The following GHR variants were observed in gnomAD, a reference collection of about 807,000 sequenced individuals.
GHR encodes the protein GH receptor.
In GHR, 35 loss-of-function variants were observed where a neutral mutation model predicts 67.1. The observed-to-expected ratio is 0.52, with a 90% CI of 0.40 to 0.69. The LOEUF (loss-of-function observed/expected upper bound fraction) is 0.69. Among genes scored for constraint, GHR ranks in the 30% least tolerant of loss-of-function variants. GHR has a pLI of 0.00. For missense variants in GHR, 792 were observed against 764.6 expected, an observed-to-expected ratio of 1.04 and a Z score of -0.42; for synonymous variants, 272 against 269.1, an observed-to-expected ratio of 1.01 and a Z score of -0.10.
At chr5:42,468,280 CGGCATGGGCCTAG>C in intron 1 of GHR, 1 of 1,570,580 alleles carries the variant, frequency 6.4e-7, no homozygotes, top group Non-Finnish European at 8.7e-7. Context: ...CTTCACTGGG[CGGCATGGGCCTAG>C]GGCCATGGCT....
chr5:42,718,942 A>T lies in GHR; in HGVS notation c.1435A>T (p.Ser479Cys), dbSNP rs1250418120. 3.1e-6 allele frequency: 5 copies of T among 1,613,968 alleles called. No homozygotes were observed. The highest frequency in any genetic ancestry group is 2.2e-5 in the East Asian group (1 of 44,876). Residue 479 changes from serine to cysteine, a missense_variant, in exon 10 of 10, where the codon AGT becomes TGT. Ser to Cys is a moderately radical substitution (Grantham distance 112, BLOSUM62 -1). Transcript: ENST00000230882. ...QAAHIQLSNP[S>C]SLSNIDFYAQ... ...TGCCCATATTCAGCTAAGCAATCCA[A>T]GTTCACTGTCAAACATCGACTTTTA...
In GHR at chr5:42,579,614, T is replaced by C. The variant is rs117116087; in HGVS notation, c.70+13670T>C. ...AATCCCCATGAATGCATGGTCATATTTGAGTGCTTCTAACAAATGCTTCCT... is the reference window on the plus strand; with the variant it reads ...AATCCCCATGAATGCATGGTCATATCTGAGTGCTTCTAACAAATGCTTCCT... On this transcript the variant is annotated intron_variant, in intron 2 of 9. Transcript: ENST00000230882. 8.5e-5 allele frequency among the ~76,000 whole-genome samples: 13 copies of C among 152,322 alleles called. No homozygotes were observed. In the East Asian group the frequency reaches 1.5e-3, roughly 18 times the overall value.
intron 1 of GHR, among the ~76,000 whole-genome samples, chr5:42,459,908 T>C (rs1219220717): frequency 4.6e-5 from 7 of 152,210 alleles, no homozygotes; most frequent in African/African-American, 1.4e-4. Context: ...TTGGCTCTTA[T>C]CATTTTTTAG....
chr5:42,704,024 G>A (rs1758056765), intron 6 of GHR, among the ~76,000 whole-genome samples: 1 of 151,846 alleles, frequency 6.6e-6, no homozygotes, highest in Non-Finnish European at 1.5e-5. Flanking sequence ...AATTTTGGAT[G>A]CCTTTTATTT....
At chr5:42,560,737 C>T (rs1749560483) in intron 1 of GHR, among the ~76,000 whole-genome samples, 1 of 152,136 alleles carries the variant, frequency 6.6e-6, no homozygotes, top group East Asian at 1.9e-4. Context: ...GTCCTATGAC[C>T]TTCTCCTCCT....
rs111817469 is a variant in GHR, at chr5:42,465,558, A to G, written c.-12+41603A>G. 2.8e-6 allele frequency: 4 copies of G among 1,416,808 alleles called. No homozygotes were observed. The African/African-American group carries it at 4.2e-5, about 15-fold the overall frequency. The allele number at this position is 1,416,808 out of a possible 1,614,324, so 87.8% of individuals were successfully genotyped here. A position where few individuals can be genotyped will look rare whatever the true frequency, so the allele number is the denominator to read the frequency against. On this transcript the variant is annotated intron_variant, in intron 1 of 9. Transcript: ENST00000230882. ...TCAGGTGTTTCCTCAGTCACATTTGATTGATCCAAGTCACTGCAATTATAA... is the reference window on the plus strand; with the variant it reads ...TCAGGTGTTTCCTCAGTCACATTTGGTTGATCCAAGTCACTGCAATTATAA...
intron 3 of GHR, among the ~76,000 whole-genome samples, chr5:42,663,758 G>A (rs1420329270): frequency 6.6e-6 from 1 of 152,148 alleles, no homozygotes; most frequent in Non-Finnish European, 1.5e-5. Context: ...AATTACGCAG[G>A]AGAAGGAAAT....
In GHR at chr5:42,699,089, C is replaced by A. The variant is rs917027835; in HGVS notation, c.440-735C>A. 4.6e-5 allele frequency among the ~76,000 whole-genome samples: 7 copies of A among 152,310 alleles called. No homozygotes were observed. In the East Asian group the frequency reaches 1.3e-3, roughly 29 times the overall value. On this transcript the variant is annotated intron_variant, in intron 5 of 9. Coordinates refer to ENST00000230882, the MANE Select transcript of GHR (RefSeq NM_000163.5). ...GAATTGTCACCATTTGTGAGACTAG[C>A]ATAATGCTTTCTTCCTTCTTATGTC...
chr5:42,556,935 A>G (rs1202888652), intron 1 of GHR, among the ~76,000 whole-genome samples: 1 of 152,178 alleles, frequency 6.6e-6, no homozygotes, highest in Non-Finnish European at 1.5e-5. Context: ...AGAGACAGAG[A>G]CTCAGGTTCT....
At chr5:42,656,838 A>G (rs1481937945) in intron 3 of GHR, among the ~76,000 whole-genome samples, 2 of 152,108 alleles carry the variant, frequency 1.3e-5, no homozygotes, top group African/African-American at 4.8e-5. Context: ...AACTGACTAT[A>G]TATCTAGCTA....
intron 3 of GHR, among the ~76,000 whole-genome samples, chr5:42,674,501 C>T (rs1713981384): frequency 6.6e-6 from 1 of 152,120 alleles, no homozygotes; most frequent in Non-Finnish European, 1.5e-5. Context: ...TTAGTAGTCA[C>T]TCCCAGTTTC....
At chr5:42,449,959 T>C (rs556975277) in intron 1 of GHR, among the ~76,000 whole-genome samples, 1 of 152,100 alleles carries the variant, frequency 6.6e-6, no homozygotes, top group African/African-American at 2.4e-5. Context: ...TAAACCTACA[T>C]CCCTGGTATG....
rs777243135 is a variant in GHR, at chr5:42,502,446, CAT to C, written c.-11-63417_-11-63416del. ...TTATGTTTGTTTGCTCTTTATAACA[CAT>C]GACTGTGTAATATCAGTCAATTGTG... On this transcript the variant is annotated intron_variant, in intron 1 of 9. Coordinates refer to ENST00000230882, the MANE Select transcript of GHR (RefSeq NM_000163.5). 4.6e-5 allele frequency among the ~76,000 whole-genome samples: 7 copies of C among 152,212 alleles called. No homozygotes were observed. The East Asian group carries it at 5.8e-4, about 13-fold the overall frequency.
At chr5:42,711,466 C>T in intron 7 of GHR, 94 bp downstream of exon 7, 1 of 853,268 alleles carries the variant, frequency 1.2e-6, no homozygotes, top group Non-Finnish European at 2.0e-6. Context: ...TTGTCCAAAT[C>T]AAAATATATT....
At position 42,673,310 on chromosome 5, in the gene GHR, G is replaced by T. The variant is rs575439111; in HGVS notation, c.137-15580G>T. Among the ~76,000 whole-genome samples the T allele has an allele frequency of 4.6e-5, 7 of 152,304 alleles. No individual in the cohort carries two copies. In the South Asian group the frequency reaches 1.5e-3, roughly 32 times the overall value. ...AAGTGAACGCTCATACACGGTTGCT[G>T]GGAATGTAAGTTAGTTCAGCCACTG... On this transcript the variant is annotated intron_variant, in intron 3 of 9. Transcript: ENST00000230882.
intron 2 of GHR, among the ~76,000 whole-genome samples, chr5:42,624,272 G>A (rs1461221427): frequency 6.6e-6 from 1 of 152,092 alleles, no homozygotes; most frequent in African/African-American, 2.4e-5. Context: ...GCATTTCCAG[G>A]CCAGAGCTTT....
At chr5:42,608,202 T>C (rs2112662353) in intron 2 of GHR, among the ~76,000 whole-genome samples, 1 of 152,336 alleles carries the variant, frequency 6.6e-6, no homozygotes, top group Non-Finnish European at 1.5e-5. Flanking sequence ...TGAAAATTCT[T>C]CTTAAACAAT....
chr5:42,486,157 C>A (rs1745870525), intron 1 of GHR, among the ~76,000 whole-genome samples: 1 of 152,174 alleles, frequency 6.6e-6, no homozygotes, highest in Non-Finnish European at 1.5e-5. Flanking sequence ...ACTTTGAGAA[C>A]CTCTGATTTA....
intron 7 of GHR, 99 bp from the exon 8 acceptor site, chr5:42,713,330 A>C (rs1758562704): frequency 2.7e-6 from 2 of 729,702 alleles, no homozygotes; most frequent in African/African-American, 3.5e-5. Flanking sequence ...TTATTAGATG[A>C]ATACAAATTA....
Sources: allele counts gnomAD v4.1 joint callset (sites outside exome capture counted in the v4.1 genomes callset), GRCh38; gene constraint gnomAD v4.1.1; transcripts MANE v1.5; gene names NCBI Gene and HGNC (gene_info 2026-07-23, HGNC 2026-07-21).